The following NR3C2 variants were observed in gnomAD, a reference collection of about 807,000 sequenced individuals.
NR3C2 encodes nuclear receptor subfamily 3 group C member 2.
In NR3C2, 15 loss-of-function variants were observed where a neutral mutation model predicts 86.4. The ratio of observed to expected loss-of-function variants is 0.17; its 90% CI spans 0.12 to 0.27. NR3C2 has a LOEUF of 0.27. Ranked by LOEUF, NR3C2 falls within the 10% of genes least tolerant of loss-of-function variation. The pLI is 1.00. For synonymous variants in NR3C2, 458 were observed against 450.5 expected, an observed-to-expected ratio of 1.02 and a Z score of -0.21; for missense variants, 960 against 1,195.6, an observed-to-expected ratio of 0.80 and a Z score of 2.91.
chr4:148,260,108 T>C lies in NR3C2; in HGVS notation c.1767A>G (p.Leu589=), dbSNP rs1453964208. Residue 589 remains leucine, a synonymous_variant, in exon 3 of 9, where the codon TTA becomes TTG. Coordinates refer to ENST00000358102, the MANE Select transcript of NR3C2 (RefSeq NM_000901.5). ...TTGAAGATCCAGTAGAAACACTTCGTAAAGTAGAGCTGGGGAAAGAAATTG... is the reference window on the plus strand; with the variant it reads ...TTGAAGATCCAGTAGAAACACTTCGCAAAGTAGAGCTGGGGAAAGAAATTG... The part of the protein sequence containing the change: ...YIPENVSSST[L]RSVSTGSSRP... 9 of 1,613,898 alleles carry C rather than the reference T, an allele frequency of 5.6e-6. No homozygotes were observed. Among genetic ancestry groups the C allele is most frequent in the Non-Finnish European group, 7.6e-6 (9 of 1,179,980 alleles).
At chr4:148,434,824 C>T (rs1032808078) in intron 2 of NR3C2, among the ~76,000 whole-genome samples, 1 of 152,130 alleles carries the variant, frequency 6.6e-6, no homozygotes. Context: ...GGCAGTAAAA[C>T]ATAAATTTTC....
Position 148,099,729 on chromosome 4 carries a change from G to A in NR3C2, c.2799+14375C>T, listed in dbSNP as rs533274226. On this transcript the variant is annotated intron_variant, in intron 8 of 8. Transcript: ENST00000358102. The stretch of plus-strand genomic sequence containing the variant: ...AGAGGGATTTGAGCTGCATAGGAGC[G>A]GGGGATTTATTGACACAGGTGTTAG... Among the ~76,000 whole-genome samples, 7 of 152,154 alleles carry A rather than the reference G, an allele frequency of 4.6e-5. No homozygotes were observed. In the East Asian group the frequency reaches 7.7e-4, roughly 17 times the overall value.
chr4:148,339,962 AAAATT>A (rs1268916867), intron 2 of NR3C2, among the ~76,000 whole-genome samples: 1 of 152,188 alleles, frequency 6.6e-6, no homozygotes, highest in Non-Finnish European at 1.5e-5. Flanking sequence ...TGGCTCAAAA[AAAATT>A]AAATTCCAAG....
chr4:148,183,694 C>G (rs910971651), intron 4 of NR3C2, among the ~76,000 whole-genome samples: 1 of 152,158 alleles, frequency 6.6e-6, no homozygotes, highest in Non-Finnish European at 1.5e-5. Flanking sequence ...ATGGGCTCAG[C>G]AGAGTGCTCA....
At chr4:148,347,028 A>G (rs2149988118) in intron 2 of NR3C2, among the ~76,000 whole-genome samples, 1 of 152,298 alleles carries the variant, frequency 6.6e-6, no homozygotes, top group Non-Finnish European at 1.5e-5. Context: ...GTGGAAGGCA[A>G]GAAGGCTCTG....
At chr4:148,345,613 C>T (rs917314058) in intron 2 of NR3C2, among the ~76,000 whole-genome samples, 1 of 151,668 alleles carries the variant, frequency 6.6e-6, no homozygotes, top group African/African-American at 2.4e-5. Context: ...ATGACTTGTT[C>T]GAAAGAAGAA....
At chr4:148,241,532 A>G (rs1329522911) in intron 3 of NR3C2, among the ~76,000 whole-genome samples, 3 of 151,868 alleles carry the variant, frequency 2.0e-5, no homozygotes, top group Non-Finnish European at 2.9e-5. Flanking sequence ...GCACACTTTA[A>G]GCTCTCGTGT....
chr4:148,345,878 A>G (rs1579186781), intron 2 of NR3C2, among the ~76,000 whole-genome samples: 1 of 152,206 alleles, frequency 6.6e-6, no homozygotes, highest in East Asian at 1.9e-4. Flanking sequence ...CAGAGGTTAT[A>G]GCCCAGTAAA....
At chr4:148,295,345 T>A (rs1054918325) in intron 2 of NR3C2, among the ~76,000 whole-genome samples, 3 of 151,792 alleles carry the variant, frequency 2.0e-5, no homozygotes, top group African/African-American at 7.3e-5. Flanking sequence ...CTGTCCTGAA[T>A]AAAATTCAAA....
At chr4:148,167,759 AT>A (rs1336388430) in intron 4 of NR3C2, among the ~76,000 whole-genome samples, 1 of 152,168 alleles carries the variant, frequency 6.6e-6, no homozygotes, top group African/African-American at 2.4e-5. Flanking sequence ...CACAGCCACC[AT>A]TTTCTAATAA....
intron 2 of NR3C2, among the ~76,000 whole-genome samples, chr4:148,358,527 C>T (rs977997032): frequency 1.7e-4 from 25 of 150,418 alleles, no homozygotes; most frequent in Non-Finnish European, 3.0e-4. Context: ...TGCTAGATGA[C>T]GAGTTAGTGG....
intron 7 of NR3C2, 84 bp downstream of exon 7, chr4:148,120,074 C>A: frequency 3.2e-6 from 5 of 1,572,098 alleles, no homozygotes; most frequent in Non-Finnish European, 4.4e-6. Flanking sequence ...GTACCAACTA[C>A]CTGAATACAA....
chr4:148,130,359 T>C (rs535034588), intron 6 of NR3C2, among the ~76,000 whole-genome samples: 2 of 152,320 alleles, frequency 1.3e-5, no homozygotes, highest in South Asian at 4.1e-4. Context: ...AAAAGTACAA[T>C]GACATTTTTA....
rs530580506 is a variant in NR3C2, at chr4:148,288,454, T to C, written c.1758-28337A>G. On this transcript the variant is annotated intron_variant, in intron 2 of 8. Coordinates refer to ENST00000358102, the MANE Select transcript of NR3C2 (RefSeq NM_000901.5). ...TAATGCCTCTACTCTCATGGAGCTG[T>C]CATTCTAGTAAAAATAACAATGAAG... 2.0e-5 allele frequency among the ~76,000 whole-genome samples: 3 copies of C among 152,314 alleles called. No individual in the cohort carries two copies. In the South Asian group the frequency reaches 6.2e-4, roughly 32 times the overall value.
chr4:148,150,446 C>T (rs557703954), intron 6 of NR3C2, among the ~76,000 whole-genome samples: 33 of 152,244 alleles, frequency 2.2e-4, no homozygotes, highest in East Asian at 1.7e-3. Context: ...CTCTGTGAGG[C>T]GCATCATAGC....
chr4:148,142,836 G>A (rs1025531121), intron 6 of NR3C2, among the ~76,000 whole-genome samples: 3 of 152,084 alleles, frequency 2.0e-5, no homozygotes, highest in African/African-American at 7.2e-5. Context: ...TAGCACCACC[G>A]CCTTGCTCTA....
chr4:148,211,855 G>A lies in NR3C2; in HGVS notation c.1898-16993C>T, dbSNP rs72653874. ...TCTGGTGGACTTAGTTTTATTATTCGTAATAATAATAATCAGCCATCAATT... is the reference window on the plus strand; with the variant it reads ...TCTGGTGGACTTAGTTTTATTATTCATAATAATAATAATCAGCCATCAATT... On this transcript the variant is annotated intron_variant, in intron 3 of 8. Transcript: ENST00000358102. Among the ~76,000 whole-genome samples, 217 of 152,230 alleles carry A rather than the reference G, an allele frequency of 1.4e-3. 5 individuals carry two copies. The South Asian group carries it at 0.041, about 29-fold the overall frequency.
At chr4:148,429,537 C>A (rs914510699) in intron 2 of NR3C2, among the ~76,000 whole-genome samples, 3 of 152,200 alleles carry the variant, frequency 2.0e-5, no homozygotes, top group Admixed American at 6.5e-5. Context: ...TTGGCCTTAG[C>A]CATACCACTA....
At chr4:148,356,939 C>T (rs900169608) in intron 2 of NR3C2, among the ~76,000 whole-genome samples, 7 of 132,264 alleles carry the variant, frequency 5.3e-5, no homozygotes, top group African/African-American at 1.4e-4. Flanking sequence ...GTGTGTGTTA[C>T]GGGATGCTTT....
Sources: gnomAD v4.1 joint callset for allele counts (sites outside exome capture counted in the v4.1 genomes callset) on GRCh38, gnomAD v4.1.1 for gene constraint, MANE v1.5 for transcripts, NCBI Gene and HGNC (gene_info 2026-07-23, HGNC 2026-07-21) for gene names.